Variants in CTNNA3 observed in about 807,000 individuals in gnomAD.
CTNNA3 encodes the protein catenin alpha-3.
CTNNA3 carries 76 observed loss-of-function variants against 95.7 expected under a neutral mutation model. The observed-to-expected ratio is 0.79, with a 90% CI of 0.66 to 0.96. The LOEUF (loss-of-function observed/expected upper bound fraction) is 0.96. Among genes scored for constraint, CTNNA3 ranks in the 40% least tolerant of loss-of-function variants. The pLI is 0.00. For synonymous variants in CTNNA3, 431 were observed against 374.4 expected (o/e 1.15, Z -1.74); for missense variants, 1,191 against 1,089.8 (o/e 1.09, Z -1.31).
intron 12 of CTNNA3, among the ~76,000 whole-genome samples, chr10:66,281,695 A>C (rs2091494071): frequency 6.6e-6 from 1 of 151,886 alleles, no homozygotes; most frequent in African/African-American, 2.4e-5. Flanking sequence ...AATATCAATA[A>C]ATGTTATTTT....
chr10:66,210,924 C>T (rs897140770), intron 13 of CTNNA3, among the ~76,000 whole-genome samples: 1 of 152,218 alleles, frequency 6.6e-6, no homozygotes, highest in Non-Finnish European at 1.5e-5. Flanking sequence ...GGCTGACATA[C>T]TCTGAAATGT....
At chr10:67,095,170 C>T (rs570695080) in intron 7 of CTNNA3, among the ~76,000 whole-genome samples, 3 of 151,648 alleles carry the variant, frequency 2.0e-5, no homozygotes, top group East Asian at 3.9e-4. Context: ...ATGCTGTATT[C>T]AGATATGGCT....
At chr10:67,476,216 TGCAGAAACCGTGGTACAGC>T (rs1240066785) in intron 5 of CTNNA3, among the ~76,000 whole-genome samples, 2 of 151,798 alleles carry the variant, frequency 1.3e-5, no homozygotes, top group South Asian at 2.1e-4. Flanking sequence ...ACCCTTCCTA[TGCAGAAACCGTGGTACAGC>T]GCAGAAACCG....
intron 7 of CTNNA3, among the ~76,000 whole-genome samples, chr10:67,164,518 T>A (rs1564935191): frequency 2.0e-5 from 3 of 152,068 alleles, no homozygotes. Flanking sequence ...AAAAGAAATT[T>A]TGGACCTAGA....
chr10:67,133,328 T>TATATTTATAC (rs145659453), intron 7 of CTNNA3, among the ~76,000 whole-genome samples: 1 of 105,326 alleles, frequency 9.5e-6, no homozygotes, highest in African/African-American at 3.5e-5. Context: ...TATATATTTA[T>TATATTTATAC]ACACACACAC....
At chr10:66,169,388 T>C (rs903643308) in intron 13 of CTNNA3, among the ~76,000 whole-genome samples, 1 of 152,178 alleles carries the variant, frequency 6.6e-6, no homozygotes, top group African/African-American at 2.4e-5. Flanking sequence ...TAGTATTCCA[T>C]TGTATATAAT....
At chr10:66,255,544 A>C (rs1264547128) in intron 13 of CTNNA3, among the ~76,000 whole-genome samples, 1 of 152,184 alleles carries the variant, frequency 6.6e-6, no homozygotes, top group Non-Finnish European at 1.5e-5. Flanking sequence ...CTGATGTCTT[A>C]GATGATCCTT....
rs1015080661 is a variant in CTNNA3 at position 67,362,826 on chromosome 10, C to CAG, written c.580-142958_580-142957dup. Among the ~76,000 whole-genome samples, 106 of 151,748 alleles carry CAG rather than the reference C, an allele frequency of 7.0e-4. 1 individual carries two copies. Among genetic ancestry groups the CAG allele is most frequent in the African/African-American group, 2.5e-3 (102 of 41,468 alleles). ...AAAAAAAAATCAAACTCTCTCTCTT[C>CAG]AGAGATGATATGATTCTATACTTAG... On this transcript the variant is annotated intron_variant, in intron 5 of 17. Coordinates refer to ENST00000433211, the MANE Select transcript of CTNNA3 (RefSeq NM_013266.4).
chr10:66,548,817 C>G (rs915903433), intron 10 of CTNNA3, among the ~76,000 whole-genome samples: 3 of 150,560 alleles, frequency 2.0e-5, no homozygotes, highest in Non-Finnish European at 2.9e-5. Context: ...TCTAGTTGGT[C>G]ATAACATATT....
intron 5 of CTNNA3, among the ~76,000 whole-genome samples, chr10:67,421,456 T>C (rs1459474547): frequency 6.6e-6 from 1 of 152,228 alleles, no homozygotes; most frequent in Non-Finnish European, 1.5e-5. Context: ...AGATTGTATG[T>C]ACAAGTAAAC....
chr10:66,126,435 T>C (rs2133832889), intron 13 of CTNNA3, among the ~76,000 whole-genome samples: 1 of 152,278 alleles, frequency 6.6e-6, no homozygotes, highest in African/African-American at 2.4e-5. Flanking sequence ...CCTTAGTTAG[T>C]ATGCACACAT....
intron 6 of CTNNA3, among the ~76,000 whole-genome samples, chr10:67,204,948 G>T (rs10997572): frequency 0.11 from 16,079 of 152,130 alleles, 915 homozygotes; most frequent in African/African-American, 0.14. Flanking sequence ...TCTTAGGCTC[G>T]CTCTGTAATA....
chr10:67,602,252 G>GGAAACTAC (rs1843106735), intron 3 of CTNNA3, among the ~76,000 whole-genome samples: 1 of 150,966 alleles, frequency 6.6e-6, no homozygotes, highest in South Asian at 2.1e-4. Context: ...ATTTTGTAGA[G>GGAAACTAC]TTTATTGGAT....
At chr10:66,592,039 A>T (rs1188507837) in intron 10 of CTNNA3, among the ~76,000 whole-genome samples, 1 of 151,706 alleles carries the variant, frequency 6.6e-6, no homozygotes, top group Admixed American at 6.6e-5. Context: ...TGGAATGTAG[A>T]CTTTATAGTT....
At chr10:66,040,688 A>G (rs2079668033) in intron 15 of CTNNA3, among the ~76,000 whole-genome samples, 1 of 152,106 alleles carries the variant, frequency 6.6e-6, no homozygotes, top group Non-Finnish European at 1.5e-5. Context: ...GAACACATGG[A>G]CTTATAGAGG....
At chr10:66,209,023 T>C (rs1333002026) in intron 13 of CTNNA3, among the ~76,000 whole-genome samples, 1 of 152,128 alleles carries the variant, frequency 6.6e-6, no homozygotes, top group Non-Finnish European at 1.5e-5. Flanking sequence ...ATAAATACAA[T>C]ATAGTATATT....
At chr10:66,996,670 A>AAAAAAAAAAAAAAC (rs1217903200) in intron 7 of CTNNA3, among the ~76,000 whole-genome samples, 2 of 150,596 alleles carry the variant, frequency 1.3e-5, no homozygotes, top group Non-Finnish European at 3.0e-5. Flanking sequence ...AAAAAAAAAA[A>AAAAAAAAAAAAAAC]AGCATGTTTG....
At chr10:66,367,067 C>T (rs948947227) in intron 12 of CTNNA3, among the ~76,000 whole-genome samples, 1 of 152,094 alleles carries the variant, frequency 6.6e-6, no homozygotes, top group African/African-American at 2.4e-5. Flanking sequence ...GGGAGACTTG[C>T]ACACCTACCT....
intron 15 of CTNNA3, among the ~76,000 whole-genome samples, chr10:66,063,413 T>G (rs185551956): frequency 6.6e-6 from 1 of 150,954 alleles, no homozygotes; most frequent in African/African-American, 2.4e-5. Context: ...TCTGAAGGCT[T>G]CTCATATTCC....
Sources: allele counts gnomAD v4.1 joint callset (sites outside exome capture counted in the v4.1 genomes callset), GRCh38; gene constraint gnomAD v4.1.1; transcripts MANE v1.5; gene names NCBI Gene and HGNC (gene_info 2026-07-23, HGNC 2026-07-21).